The following CTNNA2 variants were observed in gnomAD, a reference collection of about 807,000 sequenced individuals.
CTNNA2 encodes the protein catenin alpha-2.
A neutral mutation model predicts 101.0 loss-of-function variants in CTNNA2; 42 were observed. That is an observed-to-expected ratio of 0.42 (90% CI 0.32 to 0.54). CTNNA2 has a LOEUF of 0.54. CTNNA2 is among the 20% of genes least tolerant of loss of function. The pLI is 0.14. For synonymous variants in CTNNA2, 450 were observed against 456.4 expected, an observed-to-expected ratio of 0.99 and a Z score of 0.18; for missense variants, 871 against 1,223.1, an observed-to-expected ratio of 0.71 and a Z score of 4.29.
chr2:80,490,278 C>A lies in CTNNA2; in HGVS notation c.1291-54704C>A, dbSNP rs527318234. Reference sequence around the variant, plus strand: ...TTGGCATTTTTTTTTCCTTCCCCCCCCACCCCCCCCCCGGTAAAGCACCAG... The same window carrying A: ...TTGGCATTTTTTTTTCCTTCCCCCCACACCCCCCCCCCGGTAAAGCACCAG... On this transcript the variant is annotated intron_variant, in intron 9 of 18. Transcript: ENST00000402739. 3.5e-3 allele frequency among the ~76,000 whole-genome samples: 198 copies of A among 56,520 alleles called. 2 individuals are homozygous for A. The highest frequency in any genetic ancestry group is 0.023 in the African/African-American group (183 of 8,040). The allele number at this position is 56,520 out of a possible 152,430, so 37.1% of individuals were successfully genotyped here.
At chr2:80,051,206 T>C (rs1441178344) in intron 7 of CTNNA2, among the ~76,000 whole-genome samples, 1 of 152,236 alleles carries the variant, frequency 6.6e-6, no homozygotes, top group Non-Finnish European at 1.5e-5. Context: ...CACTGGTAAT[T>C]ATTCCTCTAG....
At chr2:80,007,162 A>C (rs1693429965) in intron 7 of CTNNA2, among the ~76,000 whole-genome samples, 1 of 152,160 alleles carries the variant, frequency 6.6e-6, no homozygotes, top group African/African-American at 2.4e-5. Flanking sequence ...TCTAAGCCTC[A>C]GTTTGCTTCT....
intron 2 of CTNNA2, among the ~76,000 whole-genome samples, chr2:79,701,997 CAAAAAAAAAAAAAAA>C (rs58716617): frequency 4.0e-5 from 3 of 75,440 alleles, no homozygotes; most frequent in Middle Eastern, 0.018. Context: ...GACTCTGTCT[CAAAAAAAAAAAAAAA>C]AAAAAAAAAA....
chr2:80,574,057 A>G, intron 12 of CTNNA2, 106 bp from the exon 13 acceptor site: 4 of 1,145,656 alleles, frequency 3.5e-6, no homozygotes, highest in Non-Finnish European at 5.1e-6. Flanking sequence ...GTCTTGCTCC[A>G]CTTAACTTTT....
intron 7 of CTNNA2, among the ~76,000 whole-genome samples, chr2:79,982,323 T>C (rs1379456680): frequency 7.2e-6 from 1 of 138,470 alleles, no homozygotes; most frequent in African/African-American, 2.9e-5. Context: ...ATAACATATA[T>C]AACACACATA....
intron 2 of CTNNA2, among the ~76,000 whole-genome samples, chr2:79,210,169 T>C (rs1674153576): frequency 6.6e-6 from 1 of 151,138 alleles, no homozygotes. Context: ...GGAACCCACG[T>C]GGAGATTTGT....
At chr2:79,788,765 C>T (rs1453081396) in intron 3 of CTNNA2, among the ~76,000 whole-genome samples, 3 of 152,168 alleles carry the variant, frequency 2.0e-5, no homozygotes, top group African/African-American at 7.2e-5. Context: ...GGTATCAGTG[C>T]TCTTTTGAAT....
intron 4 of CTNNA2, among the ~76,000 whole-genome samples, chr2:79,402,704 G>C (rs1239320877): frequency 6.6e-6 from 1 of 151,732 alleles, no homozygotes; most frequent in Non-Finnish European, 1.5e-5. Context: ...CAATGCATTT[G>C]GAACATTATT....
At chr2:80,377,042 G>A (rs1241953200) in intron 7 of CTNNA2, among the ~76,000 whole-genome samples, 2 of 152,140 alleles carry the variant, frequency 1.3e-5, no homozygotes, top group Admixed American at 6.5e-5. Flanking sequence ...CCTCATGACT[G>A]GACTATAGAA....
At chr2:79,922,873 G>A (rs1471607235) in intron 7 of CTNNA2, among the ~76,000 whole-genome samples, 1 of 151,950 alleles carries the variant, frequency 6.6e-6, no homozygotes, top group African/African-American at 2.4e-5. Flanking sequence ...TCATTACTTT[G>A]TGTTATATAT....
intron 3 of CTNNA2, among the ~76,000 whole-genome samples, chr2:79,812,044 G>A (rs1677082833): frequency 6.6e-6 from 1 of 152,122 alleles, no homozygotes; most frequent in Non-Finnish European, 1.5e-5. Flanking sequence ...AAATACAATA[G>A]TTTAGTTTTG....
At chr2:79,454,881 T>C (rs1301283653) in intron 4 of CTNNA2, among the ~76,000 whole-genome samples, 3 of 152,242 alleles carry the variant, frequency 2.0e-5, no homozygotes, top group African/African-American at 7.2e-5. Context: ...TATGCTCGTA[T>C]CTTTCTTGTT....
In CTNNA2 at chr2:80,545,847, G is replaced by A. The variant is rs2276659; in HGVS notation, c.1384-60G>A. ...CATGGTTTTAACATGGTCTTTGACC[G>A]GCTTATTCCTCTTTTGAAGTGTGTG... On this transcript the variant is annotated intron_variant, in intron 10 of 18. Coordinates refer to ENST00000402739, the MANE Select transcript of CTNNA2 (RefSeq NM_001282597.3). 689,342 of 1,562,832 alleles carry A rather than the reference G, an allele frequency of 0.44. 154,329 individuals are homozygous for A. The highest frequency in any genetic ancestry group is 0.58 in the South Asian group (48,857 of 83,620).
At chr2:79,627,464 C>T (rs1679394556) in intron 1 of CTNNA2, among the ~76,000 whole-genome samples, 2 of 152,186 alleles carry the variant, frequency 1.3e-5, no homozygotes, top group African/African-American at 2.4e-5. Flanking sequence ...CCCCTCATAG[C>T]AGATTTCCTG....
chr2:80,284,945 T>C (rs115741748), intron 7 of CTNNA2, among the ~76,000 whole-genome samples: 1,919 of 152,300 alleles, frequency 0.013, 32 homozygotes, highest in African/African-American at 0.042. Context: ...TCTCTTTCCA[T>C]TTTCTGCTCT....
At chr2:79,481,041 G>C (rs947466740) in intron 4 of CTNNA2, among the ~76,000 whole-genome samples, 16 of 150,856 alleles carry the variant, frequency 1.1e-4, no homozygotes, top group Non-Finnish European at 2.9e-5. Context: ...TTATTTCAAT[G>C]GAAATAATAA....
At chr2:79,699,661 A>G (rs1000509460) in intron 2 of CTNNA2, among the ~76,000 whole-genome samples, 1 of 151,372 alleles carries the variant, frequency 6.6e-6, no homozygotes, top group East Asian at 1.9e-4. Context: ...AGACATCCCA[A>G]CAGTACCTTG....
At chr2:80,586,456 AC>A (rs1243434057) in intron 14 of CTNNA2, 1 of 152,150 alleles carries the variant, frequency 6.6e-6, no homozygotes, top group East Asian at 1.9e-4. Flanking sequence ...CTGGTTTAGG[AC>A]CTGTGAGGTC....
intron 4 of CTNNA2, among the ~76,000 whole-genome samples, chr2:79,492,990 C>T (rs1482366206): frequency 6.6e-6 from 1 of 151,980 alleles, no homozygotes; most frequent in South Asian, 2.1e-4. Context: ...CAGAAAAAAC[C>T]ACTTAATCAA....
Sources: gnomAD v4.1 joint callset for allele counts (sites outside exome capture counted in the v4.1 genomes callset) on GRCh38, gnomAD v4.1.1 for gene constraint, MANE v1.5 for transcripts, NCBI Gene and HGNC (gene_info 2026-07-23, HGNC 2026-07-21) for gene names.